Variants in PSD3 observed in about 807,000 individuals in gnomAD.
PSD3 encodes pleckstrin and Sec7 domain containing 3.
PSD3 carries 49 observed loss-of-function variants against 105.5 expected under a neutral mutation model. The ratio of observed to expected loss-of-function variants is 0.46; its 90% CI spans 0.37 to 0.59. The LOEUF (loss-of-function observed/expected upper bound fraction) is 0.59, where lower values mean the gene tolerates loss of function less well. PSD3 is among the 20% of genes least tolerant of loss of function. The pLI is 0.00. For missense variants in PSD3, 1,561 were observed against 1,263.8 expected, an observed-to-expected ratio of 1.24 and a Z score of -3.57; for synonymous variants, 557 against 457.8, an observed-to-expected ratio of 1.22 and a Z score of -2.77.
At chr8:18,891,907 AT>A (rs555674959) in intron 2 of PSD3, among the ~76,000 whole-genome samples, 91 of 152,314 alleles carry the variant, frequency 6.0e-4, no homozygotes, top group Non-Finnish European at 1.1e-3. Flanking sequence ...TTGAGTATTC[AT>A]TCCTTTTTAC....
chr8:18,842,984 A>C (rs371084361), intron 4 of PSD3, among the ~76,000 whole-genome samples: 2 of 152,330 alleles, frequency 1.3e-5, no homozygotes, highest in African/African-American at 4.8e-5. Context: ...TATAAAGATA[A>C]ATTCATTTTC....
exon 1 of PSD3, chr8:19,084,611 G>A (rs936627748): frequency 2.5e-5 from 9 of 352,948 alleles, no homozygotes; most frequent in East Asian, 7.5e-5. Context: ...GGCAATGCCT[G>A]TGATGTGGGG....
At chr8:18,662,226 A>G (rs1809400107) in intron 9 of PSD3, among the ~76,000 whole-genome samples, 1 of 152,176 alleles carries the variant, frequency 6.6e-6, no homozygotes. Context: ...CTGAAGTATA[A>G]TTAATATGTA....
intron 9 of PSD3, among the ~76,000 whole-genome samples, chr8:18,738,905 T>A (rs1371251393): frequency 6.6e-6 from 1 of 152,224 alleles, no homozygotes; most frequent in African/African-American, 2.4e-5. Flanking sequence ...CTAGTCATTT[T>A]TTTTGTTCTG....
At chr8:19,075,657 A>G (rs1016151823) in intron 1 of PSD3, among the ~76,000 whole-genome samples, 2 of 152,142 alleles carry the variant, frequency 1.3e-5, no homozygotes, top group African/African-American at 2.4e-5. Flanking sequence ...TTTTTTCCTT[A>G]AATTACGATG....
intron 9 of PSD3, among the ~76,000 whole-genome samples, chr8:18,680,504 A>G (rs923159968): frequency 1.3e-5 from 2 of 152,168 alleles, no homozygotes; most frequent in South Asian, 2.1e-4. Flanking sequence ...CCCAATGAAG[A>G]GCTGAGCTCA....
chr8:18,776,245 GCTCT>G lies in PSD3; in HGVS notation c.2083-10711_2083-10708del, dbSNP rs762919210. On this transcript the variant is annotated intron_variant, in intron 8 of 15. Coordinates refer to ENST00000327040, the MANE Select transcript of PSD3 (RefSeq NM_015310.4). ...GTACCATACTATATTGGTTACCATGGCTCTCTCTCTCTCTCTATATATATATAAT... is the reference window on the plus strand; with the variant it reads ...GTACCATACTATATTGGTTACCATGGCTCTCTCTCTCTATATATATATAAT... 2.7e-3 allele frequency among the ~76,000 whole-genome samples: 388 copies of G among 142,382 alleles called. 1 individual carries two copies. Among genetic ancestry groups the G allele is most frequent in the African/African-American group, 8.6e-3 (335 of 38,906 alleles). The allele number at this position is 142,382 out of a possible 152,430, so 93.4% of individuals were successfully genotyped here.
chr8:18,575,416 G>A (rs1261440887), intron 12 of PSD3, 131 bp from the exon 13 acceptor site: 2 of 836,744 alleles, frequency 2.4e-6, no homozygotes, highest in Non-Finnish European at 1.7e-6. Context: ...GAAACAAACG[G>A]TGAGTAAAAA....
intron 9 of PSD3, among the ~76,000 whole-genome samples, chr8:18,689,816 A>T (rs1800875596): frequency 6.6e-6 from 1 of 152,164 alleles, no homozygotes; most frequent in Non-Finnish European, 1.5e-5. Context: ...TGTTTCCTAG[A>T]CTATTCATTT....
chr8:18,872,464 A>T lies in PSD3; in HGVS notation c.400T>A (p.Leu134Met). Reference protein sequence around the residue: ...KEQSLQPIDSLISALKATEAR... With the variant: ...KEQSLQPIDSMISALKATEAR... ...TCTGTGGCTTTCAGAGCTGAAATCA[A>T]AGAGTCAATGGGCTGTAAACTTTGT... The change falls in exon 3 of 16, where the codon TTG becomes ATG. Residue 134 changes from leucine (L) to methionine (M), a missense_variant. By Grantham distance (15) the Leu-to-Met change is conservative. Coordinates refer to ENST00000327040, the MANE Select transcript of PSD3 (RefSeq NM_015310.4). 1.2e-6 allele frequency: 2 copies of T among 1,614,180 alleles called. No individual in the cohort carries two copies. The highest frequency in any genetic ancestry group is 1.7e-6 in the Non-Finnish European group (2 of 1,180,024).
intron 9 of PSD3, among the ~76,000 whole-genome samples, chr8:18,759,343 T>C (rs1397145224): frequency 6.6e-6 from 1 of 152,194 alleles, no homozygotes; most frequent in Non-Finnish European, 1.5e-5. Flanking sequence ...GACACTGTCT[T>C]CTAACTAGAA....
At chr8:18,591,468 T>C (rs1803599347) in intron 12 of PSD3, among the ~76,000 whole-genome samples, 1 of 152,156 alleles carries the variant, frequency 6.6e-6, no homozygotes, top group African/African-American at 2.4e-5. Context: ...CTGAAGCTTC[T>C]ACTTTGGGAG....
chr8:18,762,915 G>A (rs1393163926), intron 9 of PSD3: 37 of 1,276,858 alleles, frequency 2.9e-5, no homozygotes, highest in Non-Finnish European at 3.7e-5. Flanking sequence ...TTTCAACATG[G>A]AATAACTGTT....
intron 9 of PSD3, among the ~76,000 whole-genome samples, chr8:18,670,833 G>A (rs1002217503): frequency 2.0e-5 from 3 of 152,120 alleles, no homozygotes; most frequent in Non-Finnish European, 4.4e-5. Context: ...CAACCCCACC[G>A]ACAATGACTG....
chr8:18,560,187 C>A (rs934987446), intron 14 of PSD3, among the ~76,000 whole-genome samples: 5 of 151,170 alleles, frequency 3.3e-5, no homozygotes, highest in African/African-American at 1.2e-4. Context: ...CACACACACA[C>A]ACACACACAC....
chr8:18,770,191 A>G lies in PSD3; in HGVS notation c.2083-4653T>C, dbSNP rs113419491. ...TGTTATGGGTATGAACGGGTATGCT[A>G]TGGTTTTGATTTGCATTTCCCTAAT... is the stretch of plus-strand genomic sequence containing the variant. On this transcript the variant is annotated intron_variant, in intron 8 of 15. Transcript: ENST00000327040. Among the ~76,000 whole-genome samples the G allele has an allele frequency of 7.3e-3, 1,112 of 152,224 alleles. 4 individuals carry two copies. Among genetic ancestry groups the G allele is most frequent in the Non-Finnish European group, 0.012 (842 of 68,008 alleles).
intron 15 of PSD3, among the ~76,000 whole-genome samples, chr8:18,541,061 TC>T (rs1800123717): frequency 6.6e-6 from 1 of 151,696 alleles, no homozygotes; most frequent in Admixed American, 6.6e-5. Context: ...ACTGAGGCCT[TC>T]CCTGGCCATC....
At chr8:18,631,949 C>A (rs115464147) in intron 11 of PSD3, among the ~76,000 whole-genome samples, 20 of 152,140 alleles carry the variant, frequency 1.3e-4, no homozygotes, top group African/African-American at 4.1e-4. Flanking sequence ...TGCTATTTCA[C>A]TCTGCAAAGA....
At chr8:18,622,546 AT>A (rs1327515823) in intron 11 of PSD3, among the ~76,000 whole-genome samples, 1 of 152,192 alleles carries the variant, frequency 6.6e-6, no homozygotes, top group Non-Finnish European at 1.5e-5. Flanking sequence ...TTTATGGAGC[AT>A]AACATTATTA....
Sources: gnomAD v4.1 joint callset for allele counts (sites outside exome capture counted in the v4.1 genomes callset) on GRCh38, gnomAD v4.1.1 for gene constraint, MANE v1.5 for transcripts, NCBI Gene and HGNC (gene_info 2026-07-23, HGNC 2026-07-21) for gene names.